The following GRIP2 variants were observed in gnomAD, a reference collection of about 807,000 sequenced individuals.
GRIP2 encodes the protein glutamate receptor-interacting protein 2.
In GRIP2, 58 loss-of-function variants were observed where a neutral mutation model predicts 108.3. That is an observed-to-expected ratio of 0.54 (90% CI 0.43 to 0.67). GRIP2 has a LOEUF of 0.67. Among genes scored for constraint, GRIP2 ranks in the 30% least tolerant of loss-of-function variants. GRIP2 has a pLI of 0.00. For missense variants in GRIP2, 1,278 were observed against 1,430.6 expected, an observed-to-expected ratio of 0.89 and a Z score of 1.72; for synonymous variants, 586 against 598.2, an observed-to-expected ratio of 0.98 and a Z score of 0.30.
rs1701386547 is a variant in GRIP2 at position 14,493,692 on chromosome 3, T to C, written c.3105A>G (p.Pro1035=). The change falls in exon 24 of 24, where the codon CCA becomes CCG. Residue 1035 remains proline, a synonymous_variant. Transcript: ENST00000621039. The part of the protein sequence containing the change: ...TAHSSRAPRS[P]GPSSPRML ...AGAGCATCCGGGGACTGCTGGGGCC[T>C]GGCGATCGGGGGGCCCGGCTGCTGT... The C allele has an allele frequency of 6.2e-7, 1 of 1,607,240 alleles. No homozygotes were observed.
the GRIP2 span, among the ~76,000 whole-genome samples, chr3:14,568,218 C>T: frequency 3.9e-5 from 6 of 152,132 alleles, no homozygotes. Context: ...ATCCCTGTGG[C>T]TGCAGGGGAG....
chr3:14,531,788 C>A lies in GRIP2; in HGVS notation c.41-5857G>T, dbSNP rs150628931. On this transcript the variant is annotated intron_variant, in intron 1 of 23. Transcript: ENST00000621039. Reference sequence around the variant, plus strand: ...TTCTACCCTGTGCTTGAGGCCCCATCGAGCGGGTTATGTTTTTCACATTCC... The same window carrying A: ...TTCTACCCTGTGCTTGAGGCCCCATAGAGCGGGTTATGTTTTTCACATTCC... 4.4e-3 allele frequency among the ~76,000 whole-genome samples: 665 copies of A among 152,328 alleles called. 1 individual carries two copies. The highest frequency in any genetic ancestry group is 7.9e-3 in the Non-Finnish European group (537 of 68,036).
the GRIP2 span, among the ~76,000 whole-genome samples, chr3:14,590,242 G>A: frequency 1.3e-5 from 2 of 151,956 alleles, no homozygotes; most frequent in Non-Finnish European, 2.9e-5. Flanking sequence ...TCTTCTAATC[G>A]CTGCCTGCTC....
At chr3:14,517,024 T>C (rs376911617) in intron 11 of GRIP2, 40 bp downstream of exon 11, 1 of 1,456,318 alleles carries the variant, frequency 6.9e-7, no homozygotes, top group Non-Finnish European at 9.1e-7. Flanking sequence ...CTCTCAGACA[T>C]ACAAGCAGCC....
chr3:14,551,880 G>A (rs6784403), intron 1 of GRIP2, among the ~76,000 whole-genome samples: 122,036 of 152,002 alleles, frequency 0.8, 49,153 homozygotes, highest in South Asian at 0.9. Context: ...AACTGCAAAT[G>A]GGGCAATTTA....
intron 4 of GRIP2, 53 bp downstream of exon 4, chr3:14,524,340 T>C: frequency 6.4e-7 from 1 of 1,572,272 alleles, no homozygotes; most frequent in South Asian, 1.2e-5. Context: ...GAGGTAGCCG[T>C]GTCCACCCGC....
chr3:14,599,685 C>CTCTCTGTG, the GRIP2 span, among the ~76,000 whole-genome samples: 1 of 127,466 alleles, frequency 7.8e-6, no homozygotes, highest in South Asian at 2.6e-4. Flanking sequence ...CTCTCTCTCT[C>CTCTCTGTG]TGTGTGTGTG....
At chr3:14,583,820 A>G in the GRIP2 span, among the ~76,000 whole-genome samples, 8 of 152,302 alleles carry the variant, frequency 5.3e-5, no homozygotes, top group African/African-American at 1.9e-4. Context: ...GCTGCCTGCC[A>G]TCTGCAACCA....
At chr3:14,562,524 G>A in the GRIP2 span, among the ~76,000 whole-genome samples, 1 of 152,220 alleles carries the variant, frequency 6.6e-6, no homozygotes, top group Non-Finnish European at 1.5e-5. Flanking sequence ...ATACATGAAG[G>A]TAAAGAATGA....
At chr3:14,589,439 CAG>C in the GRIP2 span, among the ~76,000 whole-genome samples, 2 of 152,116 alleles carry the variant, frequency 1.3e-5, no homozygotes, top group Admixed American at 6.5e-5. Flanking sequence ...AGATGGAAGA[CAG>C]GGGTTGGAGA....
Position 14,524,429 on chromosome 3 carries a change from C to A in GRIP2, c.367G>T (p.Val123Leu), listed in dbSNP as rs757634587. Residue 123 changes from valine (V) to leucine (L), a missense_variant, in exon 4 of 24, where the codon GTG becomes TTG. Val to Leu is a conservative substitution (Grantham distance 32). Transcript: ENST00000621039. ...ITLLKNVGERVVLEVEYELPP... is the reference protein window; with the variant it reads ...ITLLKNVGERLVLEVEYELPP... ...AGCTCATACTCCACCTCCAGCACCA[C>A]GCGCTCGCCCACATTCTTGAGCAGG... The A allele has an allele frequency of 1.2e-6, 2 of 1,608,148 alleles. No homozygotes were observed. Among genetic ancestry groups the A allele is most frequent in the South Asian group, 1.1e-5 (1 of 89,352 alleles).
rs991846696 is a variant in GRIP2, at chr3:14,522,106, G to T, written c.567-319C>A. On this transcript the variant is annotated intron_variant, in intron 6 of 23. Transcript: ENST00000621039. The surrounding 1 kb of genome is among the most constrained non-coding windows in gnomAD (Gnocchi z 4.3). ...TCTGAGCTGGGGGTGCTCTTCAAGC[G>T]TCACCCCCAACTCCTGCCTCAGGGA... The T allele has an allele frequency of 3.4e-6, 1 of 296,378 alleles. No individual in the cohort carries two copies. The highest frequency in any genetic ancestry group is 6.6e-5 in the South Asian group (1 of 15,202). The allele number at this position is 296,378 out of a possible 1,614,324, so 18.4% of individuals were successfully genotyped here.
In GRIP2 at chr3:14,555,224, T is replaced by TC. The variant is rs1445788767; in HGVS notation, c.55+675dup. Among the ~76,000 whole-genome samples the TC allele has an allele frequency of 2.0e-5, 3 of 151,934 alleles. No homozygotes were observed. In the East Asian group the frequency reaches 5.8e-4, roughly 29 times the overall value. ...CAGAGCCAGGCAGCCTTCACCTATGTCCCCCTGTCCCAACTCCCCACGTAC... is the reference window on the plus strand; with the variant it reads ...CAGAGCCAGGCAGCCTTCACCTATGTCCCCCCTGTCCCAACTCCCCACGTAC... On this transcript the variant is annotated intron_variant, in intron 1 of 23. Transcript: ENST00000637182.
At chr3:14,545,961 C>G (rs572976369), upstream of GRIP2, among the ~76,000 whole-genome samples, 23 of 152,262 alleles carry the variant, frequency 1.5e-4, no homozygotes, top group African/African-American at 5.5e-4. Flanking sequence ...GACAGACAGA[C>G]GGACAGACAG....
Position 14,494,918 on chromosome 3 carries a change from AC to A in GRIP2, c.2894del (p.Gly965ValfsTer53). The A allele has an allele frequency of 6.2e-7, 1 of 1,613,886 alleles. No individual in the cohort carries two copies. Among genetic ancestry groups the A allele is most frequent in the Non-Finnish European group, 8.5e-7 (1 of 1,179,852 alleles). On this transcript the variant is annotated frameshift_variant, in exon 23 of 24. Transcript: ENST00000621039. LOFTEE classifies it high-confidence loss of function. The part of the protein sequence containing the change: ...FSVSDGLLEK[G>X]VYVHTVRPDG... ...CAGGGCGCACAGTGTGGACATAGACACCTTTTTCCAGGAGGCCATCTGAGAC... is the reference window on the plus strand; with the variant it reads ...CAGGGCGCACAGTGTGGACATAGACACTTTTTCCAGGAGGCCATCTGAGAC...
the GRIP2 span, among the ~76,000 whole-genome samples, chr3:14,598,568 T>C: frequency 6.6e-6 from 1 of 152,086 alleles, no homozygotes; most frequent in South Asian, 2.1e-4. Flanking sequence ...TGCCACTCCC[T>C]ACTACCATCT....
intron 1 of GRIP2, among the ~76,000 whole-genome samples, chr3:14,528,961 G>T (rs1218459311): frequency 6.6e-6 from 1 of 152,074 alleles, no homozygotes; most frequent in Non-Finnish European, 1.5e-5. Context: ...GTGACTCTGT[G>T]TCGCACTAAA....
In GRIP2 at chr3:14,522,909, G is replaced by T; in HGVS notation, c.566+91C>A. 9.6e-7 allele frequency: 1 copy of T among 1,044,060 alleles called. No individual in the cohort carries two copies. The highest frequency in any genetic ancestry group is 2.4e-5 in the East Asian group (1 of 42,002). 64.7% of individuals were successfully genotyped at this position (1,044,060 alleles called of 1,614,324 possible). On this transcript the variant is annotated intron_variant, in intron 6 of 23. Transcript: ENST00000621039. The surrounding 1 kb of genome is among the most constrained non-coding windows in gnomAD (Gnocchi z 4.3). ...CTCAGGGCCTCGATCTCTTCATCTG[G>T]GGAAGGGGCATGGTGACCCCACTCC... is the stretch of plus-strand genomic sequence containing the variant.
At chr3:14,542,889 G>A (rs1694999686), upstream of GRIP2, among the ~76,000 whole-genome samples, 2 of 152,324 alleles carry the variant, frequency 1.3e-5, no homozygotes, top group African/African-American at 4.8e-5. Flanking sequence ...TAAGGATGGA[G>A]CCAAGTTTCA....
Sources: gnomAD v4.1 joint callset for allele counts (sites outside exome capture counted in the v4.1 genomes callset) on GRCh38, gnomAD v4.1.1 for gene constraint, Gnocchi (gnomAD v3.1) non-coding constraint, MANE v1.5 for transcripts, NCBI Gene and HGNC (gene_info 2026-07-23, HGNC 2026-07-21) for gene names.